The following EPHB1 variants were observed in gnomAD, a reference collection of about 807,000 sequenced individuals.
EPHB1 encodes the protein ephrin type-B receptor 1.
EPHB1 carries 30 observed loss-of-function variants against 94.4 expected under a neutral mutation model. The observed-to-expected ratio is 0.32, with a 90% CI of 0.24 to 0.43. The LOEUF (loss-of-function observed/expected upper bound fraction) is 0.43. Among genes scored for constraint, EPHB1 ranks in the 20% least tolerant of loss-of-function variants. The probability of loss-of-function intolerance (pLI) is 1.00; values close to 1 mark genes in which losing one functional copy is unlikely to be tolerated. For missense variants in EPHB1, 1,055 were observed against 1,308.3 expected (o/e 0.81, Z 2.99); for synonymous variants, 522 against 489.1 (o/e 1.07, Z -0.89).
intron 6 of EPHB1, among the ~76,000 whole-genome samples, chr3:135,157,782 A>G (rs1941398556): frequency 6.6e-6 from 1 of 152,254 alleles, no homozygotes; most frequent in Non-Finnish European, 1.5e-5. Context: ...TGAAACAATG[A>G]TGATAATTCA....
intron 4 of EPHB1, among the ~76,000 whole-genome samples, chr3:135,124,815 C>A (rs181194130): frequency 6.6e-6 from 1 of 151,634 alleles, no homozygotes; most frequent in African/African-American, 2.4e-5. Context: ...TTTCCCTGAG[C>A]TTTAATGCCC....
intron 3 of EPHB1, among the ~76,000 whole-genome samples, chr3:135,073,759 T>G (rs1937808738): frequency 6.6e-6 from 1 of 152,186 alleles, no homozygotes; most frequent in Non-Finnish European, 1.5e-5. Context: ...TAATCTATAG[T>G]TTTCCCCCTT....
At chr3:135,045,608 C>T (rs965540285) in intron 3 of EPHB1, among the ~76,000 whole-genome samples, 7 of 152,166 alleles carry the variant, frequency 4.6e-5, no homozygotes, top group African/African-American at 1.2e-4. Context: ...GAGTTTATCA[C>T]TCCAAAGCAG....
At chr3:134,868,590 A>G (rs911791404) in intron 1 of EPHB1, among the ~76,000 whole-genome samples, 2 of 152,182 alleles carry the variant, frequency 1.3e-5, no homozygotes, top group African/African-American at 4.8e-5. Flanking sequence ...TTGAAGAGGG[A>G]AAGGATCTCA....
intron 3 of EPHB1, among the ~76,000 whole-genome samples, chr3:134,993,843 CT>C (rs1020031923): frequency 2.0e-5 from 3 of 152,210 alleles, no homozygotes; most frequent in Non-Finnish European, 4.4e-5. Flanking sequence ...GGGTTTCTAC[CT>C]CTGTGTTCCA....
intron 3 of EPHB1, among the ~76,000 whole-genome samples, chr3:134,969,330 C>CTCTG (rs1933885587): frequency 6.6e-6 from 1 of 151,986 alleles, no homozygotes; most frequent in Non-Finnish European, 1.5e-5. Flanking sequence ...TGAAGTGTCT[C>CTCTG]TTCTAGGTTT....
At chr3:135,048,672 C>T (rs1225426835) in intron 3 of EPHB1, among the ~76,000 whole-genome samples, 1 of 152,192 alleles carries the variant, frequency 6.6e-6, no homozygotes, top group Non-Finnish European at 1.5e-5. Flanking sequence ...ACCTGCCCCT[C>T]GTGCACGCAC....
chr3:135,231,984 A>G (rs1943542298), intron 12 of EPHB1, among the ~76,000 whole-genome samples: 1 of 152,214 alleles, frequency 6.6e-6, no homozygotes, highest in Non-Finnish European at 1.5e-5. Flanking sequence ...CTCTTTCAGA[A>G]GATGAGAGAC....
At chr3:134,856,712 A>G (rs2037128438) in intron 1 of EPHB1, among the ~76,000 whole-genome samples, 1 of 152,242 alleles carries the variant, frequency 6.6e-6, no homozygotes, top group Non-Finnish European at 1.5e-5. Context: ...AAAAACAAGA[A>G]ATGTCTTGAC....
chr3:134,951,139 G>C lies in EPHB1; in HGVS notation c.124-232G>C, dbSNP rs1287721576. 2.0e-5 allele frequency among the ~76,000 whole-genome samples: 3 copies of C among 152,212 alleles called. No homozygotes were observed. The highest frequency in any genetic ancestry group is 6.5e-5 in the Admixed American group (1 of 15,286). ...GGGTTAGGCGAGGGACAGCTTTCTT[G>C]AATGAAGTGTGTTATATTTTGGGAT... is the stretch of plus-strand genomic sequence containing the variant. On this transcript the variant is annotated intron_variant, in intron 2 of 15. Coordinates refer to ENST00000398015, the MANE Select transcript of EPHB1 (RefSeq NM_004441.5). The surrounding 1 kb of genome is among the most constrained non-coding windows in gnomAD (Gnocchi z 4.5).
chr3:135,054,408 A>G (rs1559811768), intron 3 of EPHB1, among the ~76,000 whole-genome samples: 1 of 152,064 alleles, frequency 6.6e-6, no homozygotes, highest in Non-Finnish European at 1.5e-5. Context: ...TGTATTTTTC[A>G]GGAGATATAT....
At chr3:135,161,945 C>T (rs2107698027) in intron 6 of EPHB1, 73 bp from the exon 7 acceptor site, 1 of 1,509,198 alleles carries the variant, frequency 6.6e-7, no homozygotes, top group Non-Finnish European at 9.0e-7. Context: ...GGCCTGAATA[C>T]TCCAGGGTGG....
chr3:134,929,379 G>C (rs2038859934), intron 2 of EPHB1, among the ~76,000 whole-genome samples: 1 of 152,162 alleles, frequency 6.6e-6, no homozygotes, highest in Non-Finnish European at 1.5e-5. Context: ...AGAGAGGCTG[G>C]GCATATTTCA....
At chr3:135,171,503 C>T (rs1941800168) in intron 9 of EPHB1, among the ~76,000 whole-genome samples, 1 of 152,148 alleles carries the variant, frequency 6.6e-6, no homozygotes, top group South Asian at 2.1e-4. Context: ...ATAACTAACA[C>T]CACAGAAGAT....
intron 3 of EPHB1, among the ~76,000 whole-genome samples, chr3:134,966,168 ATGAG>A (rs1933737796): frequency 6.6e-6 from 1 of 152,150 alleles, no homozygotes; most frequent in Non-Finnish European, 1.5e-5. Flanking sequence ...CTGTCTTTGA[ATGAG>A]AATACAAAAA....
chr3:135,016,360 A>G (rs1020726490), intron 3 of EPHB1, among the ~76,000 whole-genome samples: 1 of 152,218 alleles, frequency 6.6e-6, no homozygotes, highest in Non-Finnish European at 1.5e-5. Context: ...CTCCTGATTC[A>G]CCATTTGCCA....
At chr3:135,171,707 T>C (rs1941806470) in intron 9 of EPHB1, among the ~76,000 whole-genome samples, 1 of 152,246 alleles carries the variant, frequency 6.6e-6, no homozygotes, top group South Asian at 2.1e-4. Flanking sequence ...GTATCAGTGA[T>C]ACATAGCTGA....
chr3:134,974,880 C>T (rs1358095467), intron 3 of EPHB1, among the ~76,000 whole-genome samples: 1 of 152,196 alleles, frequency 6.6e-6, no homozygotes, highest in African/African-American at 2.4e-5. Flanking sequence ...GCACACCCTT[C>T]CTGCTTGAGC....
chr3:134,965,796 C>G (rs150638673), intron 3 of EPHB1, among the ~76,000 whole-genome samples: 165 of 152,206 alleles, frequency 1.1e-3, no homozygotes, highest in Non-Finnish European at 1.9e-3. Flanking sequence ...TGGAGGCTAC[C>G]GATTGACTAC....
Sources: gnomAD v4.1 joint callset for allele counts (sites outside exome capture counted in the v4.1 genomes callset) on GRCh38, gnomAD v4.1.1 for gene constraint, Gnocchi (gnomAD v3.1) non-coding constraint, MANE v1.5 for transcripts, NCBI Gene and HGNC (gene_info 2026-07-23, HGNC 2026-07-21) for gene names.